Variants in ZBTB44 observed in about 807,000 individuals in gnomAD.
ZBTB44 encodes the protein zinc finger and BTB domain-containing protein 44.
A neutral mutation model predicts 54.0 loss-of-function variants in ZBTB44; 15 were observed. The observed-to-expected ratio is 0.28, with a 90% CI of 0.19 to 0.43. The LOEUF (loss-of-function observed/expected upper bound fraction) is 0.43. ZBTB44 is among the 20% of genes least tolerant of loss of function. The pLI, the probability that ZBTB44 is intolerant of heterozygous loss-of-function variation, is 1.00. For synonymous variants in ZBTB44, 230 were observed against 250.1 expected, an observed-to-expected ratio of 0.92 and a Z score of 0.76; for missense variants, 487 against 707.1, an observed-to-expected ratio of 0.69 and a Z score of 3.53.
At chr11:130,304,819 C>T (rs116002936) in intron 1 of ZBTB44, among the ~76,000 whole-genome samples, 2,109 of 152,214 alleles carry the variant, frequency 0.014, 39 homozygotes, top group African/African-American at 0.04. Flanking sequence ...CAAACTGTTG[C>T]TGTTTGCTGA....
chr11:130,270,773 C>A (rs1457252982), intron 1 of ZBTB44, among the ~76,000 whole-genome samples: 1 of 152,062 alleles, frequency 6.6e-6, no homozygotes, highest in African/African-American at 2.4e-5. Context: ...CCAAACAAGA[C>A]AAAAGAAGAG....
At chr11:130,252,426 C>G (rs1263953003) in intron 2 of ZBTB44, among the ~76,000 whole-genome samples, 1 of 152,154 alleles carries the variant, frequency 6.6e-6, no homozygotes, top group Non-Finnish European at 1.5e-5. Flanking sequence ...CCAAGCAGAC[C>G]TAATAGACAG....
At chr11:130,302,391 A>G (rs1387729586) in intron 1 of ZBTB44, among the ~76,000 whole-genome samples, 3 of 152,186 alleles carry the variant, frequency 2.0e-5, no homozygotes, top group Non-Finnish European at 4.4e-5. Flanking sequence ...AACAATACCA[A>G]GTGGACACAA....
intron 2 of ZBTB44, among the ~76,000 whole-genome samples, chr11:130,248,578 T>C (rs974040712): frequency 1.3e-5 from 2 of 151,202 alleles, no homozygotes; most frequent in Non-Finnish European, 2.9e-5. Flanking sequence ...GAGGCAGAGG[T>C]TGCAGTGAGC....
At chr11:130,293,693 G>A (rs895834703) in intron 1 of ZBTB44, among the ~76,000 whole-genome samples, 17 of 151,826 alleles carry the variant, frequency 1.1e-4, no homozygotes, top group Non-Finnish European at 2.2e-4. Context: ...CTACTTGGGA[G>A]GTTGAGGCAG....
intron 1 of ZBTB44, among the ~76,000 whole-genome samples, chr11:130,288,282 G>A (rs1941091700): frequency 2.0e-5 from 3 of 151,984 alleles, no homozygotes; most frequent in Non-Finnish European, 2.9e-5. Flanking sequence ...GCTGAGGCAG[G>A]AGAATCACTT....
intron 1 of ZBTB44, chr11:130,296,762 C>T: frequency 1.2e-6 from 1 of 813,316 alleles, no homozygotes; most frequent in South Asian, 1.3e-5. Flanking sequence ...AAAAGAACTA[C>T]TTTCTTTGTA....
intron 1 of ZBTB44, among the ~76,000 whole-genome samples, chr11:130,293,470 T>C (rs1349075994): frequency 2.6e-5 from 3 of 113,262 alleles, no homozygotes; most frequent in African/African-American, 7.6e-5. Flanking sequence ...AGATCTTGTA[T>C]CAAAAAAAAA....
At chr11:130,283,383 T>G (rs1296866831) in intron 1 of ZBTB44, among the ~76,000 whole-genome samples, 4 of 152,052 alleles carry the variant, frequency 2.6e-5, no homozygotes, top group African/African-American at 9.7e-5. Flanking sequence ...TCAGTGACAT[T>G]AAGTACAATC....
At chr11:130,292,510 A>G (rs940397745) in intron 1 of ZBTB44, among the ~76,000 whole-genome samples, 2 of 152,176 alleles carry the variant, frequency 1.3e-5, no homozygotes, top group African/African-American at 4.8e-5. Flanking sequence ...AGATCATAAG[A>G]AAAAAATTAA....
intron 1 of ZBTB44, among the ~76,000 whole-genome samples, chr11:130,264,473 G>GTATGCTGT (rs1193967328): frequency 1.3e-5 from 2 of 152,158 alleles, no homozygotes; most frequent in African/African-American, 4.8e-5. Context: ...AAGATTGCTG[G>GTATGCTGT]TATTTCCTGA....
At chr11:130,237,620 GA>G (rs1394739155) in intron 4 of ZBTB44, among the ~76,000 whole-genome samples, 1 of 152,132 alleles carries the variant, frequency 6.6e-6, no homozygotes, top group East Asian at 1.9e-4. Flanking sequence ...ATGTAATATT[GA>G]TAGAAATAAA....
At chr11:130,297,393 T>A (rs995049521) in intron 1 of ZBTB44, among the ~76,000 whole-genome samples, 1 of 152,256 alleles carries the variant, frequency 6.6e-6, no homozygotes, top group Admixed American at 6.5e-5. Context: ...TTTAAAAAAA[T>A]ATGTACACAA....
chr11:130,302,737 G>C (rs934304016), intron 1 of ZBTB44, among the ~76,000 whole-genome samples: 3 of 152,214 alleles, frequency 2.0e-5, no homozygotes, highest in Non-Finnish European at 2.9e-5. Flanking sequence ...ACTTTGGGAG[G>C]CTGAGGCAGG....
intron 1 of ZBTB44, chr11:130,295,979 G>T: frequency 6.5e-7 from 1 of 1,546,312 alleles, no homozygotes; most frequent in Admixed American, 1.7e-5. Flanking sequence ...ACACCAGGCC[G>T]TCTGCTGTAT....
chr11:130,287,236 C>G (rs1429485332), intron 1 of ZBTB44, among the ~76,000 whole-genome samples: 1 of 152,128 alleles, frequency 6.6e-6, no homozygotes, highest in East Asian at 1.9e-4. Flanking sequence ...CCCATCAAAA[C>G]TGGGTATCAT....
intron 1 of ZBTB44, among the ~76,000 whole-genome samples, chr11:130,267,624 C>A (rs1401583246): frequency 9.9e-5 from 15 of 151,898 alleles, no homozygotes; most frequent in Admixed American, 9.8e-4. Flanking sequence ...CCTATGTTGC[C>A]CAGGCTGGTC....
intron 1 of ZBTB44, among the ~76,000 whole-genome samples, chr11:130,304,528 C>T (rs139747315): frequency 6.6e-6 from 1 of 152,104 alleles, no homozygotes; most frequent in Non-Finnish European, 1.5e-5. Flanking sequence ...AGAGGATCAT[C>T]GTACACAGAC....
intron 1 of ZBTB44, among the ~76,000 whole-genome samples, chr11:130,268,588 TTTTATTTTGA>T (rs1355880330): frequency 6.6e-6 from 1 of 152,052 alleles, no homozygotes; most frequent in Non-Finnish European, 1.5e-5. Context: ...TTTTATTTTA[TTTTATTTTGA>T]GACAGAGTCT....
Sources: allele counts gnomAD v4.1 joint callset (sites outside exome capture counted in the v4.1 genomes callset), GRCh38; gene constraint gnomAD v4.1.1; transcripts MANE v1.5; gene names NCBI Gene and HGNC (gene_info 2026-07-23, HGNC 2026-07-21).